The following PRR16 variants were observed in gnomAD, a reference collection of about 807,000 sequenced individuals.
PRR16 encodes the protein protein Largen.
A neutral mutation model predicts 18.2 loss-of-function variants in PRR16; 6 were observed. The ratio of observed to expected loss-of-function variants is 0.33; its 90% CI spans 0.18 to 0.65. The LOEUF is 0.65. Among genes scored for constraint, PRR16 ranks in the 30% least tolerant of loss-of-function variants. The probability of loss-of-function intolerance (pLI) is 0.74; values close to 1 mark genes in which losing one functional copy is unlikely to be tolerated. For missense variants in PRR16, 412 were observed against 376.6 expected, an observed-to-expected ratio of 1.09 and a Z score of -0.78; for synonymous variants, 151 against 147.8, an observed-to-expected ratio of 1.02 and a Z score of -0.16.
chr5:120,534,542 T>C (rs922861448), intron 1 of PRR16, among the ~76,000 whole-genome samples: 1 of 152,186 alleles, frequency 6.6e-6, no homozygotes, highest in Non-Finnish European at 1.5e-5. Flanking sequence ...GGAATGTATC[T>C]TTTTTGTATA....
chr5:120,790,202 T>C, the PRR16 span: 1 of 152,206 alleles, frequency 6.6e-6, no homozygotes, highest in East Asian at 1.9e-4. Context: ...CAGCCTTAAA[T>C]CTCTTCACTC....
the PRR16 span, among the ~76,000 whole-genome samples, chr5:120,774,357 T>C: frequency 1.3e-5 from 2 of 152,202 alleles, no homozygotes; most frequent in Non-Finnish European, 2.9e-5. Flanking sequence ...AGTTCTATTC[T>C]AGAAAATTTT....
intron 1 of PRR16, among the ~76,000 whole-genome samples, chr5:120,675,368 A>G (rs1226635836): frequency 1.3e-5 from 2 of 152,310 alleles, no homozygotes; most frequent in Middle Eastern, 3.4e-3. Flanking sequence ...TATGTTGCCA[A>G]TCGTGTTGTA....
chr5:120,474,201 C>A (rs916679395), intron 1 of PRR16, among the ~76,000 whole-genome samples: 6 of 152,110 alleles, frequency 3.9e-5, no homozygotes, highest in African/African-American at 1.4e-4. Flanking sequence ...GTGACTAAAT[C>A]TGCTATACTT....
chr5:120,613,074 C>G (rs922803621), intron 1 of PRR16, among the ~76,000 whole-genome samples: 4 of 152,124 alleles, frequency 2.6e-5, no homozygotes, highest in Non-Finnish European at 5.9e-5. Context: ...GCAAAGCATA[C>G]AGTTGGCAGT....
At chr5:120,505,850 G>A (rs1029749412) in intron 1 of PRR16, among the ~76,000 whole-genome samples, 2 of 150,850 alleles carry the variant, frequency 1.3e-5, no homozygotes, top group Admixed American at 6.6e-5. Context: ...ATGTATATAT[G>A]TATGTATATA....
At chr5:120,615,482 T>C (rs1754479847) in intron 1 of PRR16, among the ~76,000 whole-genome samples, 1 of 147,246 alleles carries the variant, frequency 6.8e-6, no homozygotes, top group South Asian at 2.1e-4. Context: ...ATAGAGAAAA[T>C]AGTGTTTGCC....
chr5:120,496,380 C>T (rs940836681), intron 1 of PRR16, among the ~76,000 whole-genome samples: 1 of 151,972 alleles, frequency 6.6e-6, no homozygotes, highest in Non-Finnish European at 1.5e-5. Context: ...ATTCAATTTC[C>T]ATAATGGTTA....
chr5:120,787,724 A>G, the PRR16 span, among the ~76,000 whole-genome samples: 1 of 152,116 alleles, frequency 6.6e-6, no homozygotes, highest in Non-Finnish European at 1.5e-5. Flanking sequence ...AATTGCTTTC[A>G]GCCGGTGTCT....
At chr5:120,787,462 T>C in the PRR16 span, among the ~76,000 whole-genome samples, 7 of 152,148 alleles carry the variant, frequency 4.6e-5, no homozygotes, top group African/African-American at 9.6e-5. Flanking sequence ...TCAGGAGATA[T>C]AGACTTCTAA....
chr5:120,689,183 A>C (rs943480729), downstream of PRR16, among the ~76,000 whole-genome samples: 16 of 152,106 alleles, frequency 1.1e-4, no homozygotes, highest in Admixed American at 8.5e-4. Flanking sequence ...GAATTTATTT[A>C]CTCCATGCTA....
At chr5:120,520,241 A>T (rs1347985671) in intron 1 of PRR16, among the ~76,000 whole-genome samples, 1 of 152,040 alleles carries the variant, frequency 6.6e-6, no homozygotes, top group Non-Finnish European at 1.5e-5. Flanking sequence ...CTAAAAATAC[A>T]AAAATTAGCC....
At chr5:120,638,807 G>C (rs1755330034) in intron 1 of PRR16, among the ~76,000 whole-genome samples, 1 of 151,926 alleles carries the variant, frequency 6.6e-6, no homozygotes. Flanking sequence ...TTATCTCTCT[G>C]TTTTTCTGAT....
chr5:120,747,972 T>C, the PRR16 span, among the ~76,000 whole-genome samples: 1 of 152,124 alleles, frequency 6.6e-6, no homozygotes, highest in South Asian at 2.1e-4. Context: ...TATAATTATA[T>C]GAAAGTATGT....
At chr5:120,502,730 G>T (rs541728482) in intron 1 of PRR16, among the ~76,000 whole-genome samples, 1 of 151,950 alleles carries the variant, frequency 6.6e-6, no homozygotes, top group Non-Finnish European at 1.5e-5. Context: ...CATTTTTGTC[G>T]GTCAAAATGG....
intron 1 of PRR16, among the ~76,000 whole-genome samples, chr5:120,563,320 C>T (rs1379946114): frequency 1.3e-5 from 2 of 152,274 alleles, no homozygotes; most frequent in South Asian, 4.1e-4. Context: ...TTGTGGACTT[C>T]CCTTCAAGAT....
the PRR16 span, among the ~76,000 whole-genome samples, chr5:120,749,902 A>C: frequency 1.3e-5 from 2 of 152,164 alleles, no homozygotes; most frequent in Non-Finnish European, 2.9e-5. Flanking sequence ...TTTCTTCTGT[A>C]GATTTATAGA....
At chr5:120,493,717 A>G (rs1750146006) in intron 1 of PRR16, among the ~76,000 whole-genome samples, 1 of 152,180 alleles carries the variant, frequency 6.6e-6, no homozygotes, top group African/African-American at 2.4e-5. Context: ...GCCCCGGACA[A>G]TCACTAATCT....
chr5:120,549,194 C>T (rs1488935719), intron 1 of PRR16, among the ~76,000 whole-genome samples: 1 of 152,030 alleles, frequency 6.6e-6, no homozygotes, highest in Non-Finnish European at 1.5e-5. Context: ...TTCCTGGGTT[C>T]AAGTGATCCT....
Sources: allele counts gnomAD v4.1 joint callset (sites outside exome capture counted in the v4.1 genomes callset), GRCh38; gene constraint gnomAD v4.1.1; transcripts MANE v1.5; gene names NCBI Gene and HGNC (gene_info 2026-07-23, HGNC 2026-07-21).